The following XRN1 variants were observed in gnomAD, a reference collection of about 807,000 sequenced individuals.
XRN1 encodes the protein strand-exchange protein 1 homolog.
XRN1 carries 67 observed loss-of-function variants against 222.3 expected under a neutral mutation model. The ratio of observed to expected loss-of-function variants is 0.30; its 90% CI spans 0.25 to 0.37. The LOEUF is 0.37. Among genes scored for constraint, XRN1 ranks in the 10% least tolerant of loss-of-function variants. The pLI, the probability that XRN1 is intolerant of heterozygous loss-of-function variation, is 1.00. For missense variants in XRN1, 1,707 were observed against 2,000.2 expected, an observed-to-expected ratio of 0.85 and a Z score of 2.80; for synonymous variants, 643 against 652.4, an observed-to-expected ratio of 0.99 and a Z score of 0.22.
At chr3:142,341,252 A>T (rs756478256) in intron 33 of XRN1, among the ~76,000 whole-genome samples, 3 of 152,152 alleles carry the variant, frequency 2.0e-5, no homozygotes, top group Non-Finnish European at 4.4e-5. Flanking sequence ...TTATAAGAGA[A>T]TTTGCAAGAC....
At position 142,423,584 on chromosome 3, in the gene XRN1, C is replaced by A. The variant is rs752437561; in HGVS notation, c.686G>T (p.Arg229Leu). ...CCGTTGTGTTTTTTTGCCACCAAAT[C>A]GAACTTCTTCTCTTAAGAGAGAAAA... ...AHFSLLREEV[R>L]FGGKKTQRVC... Residue 229 changes from arginine (R) to leucine (L), a missense_variant, in exon 6 of 41, where the codon CGA becomes CTA. This residue lies in a region of XRN1 where 1,234 missense variants were observed against 1,518.2 expected (regional missense o/e 0.81). Transcript: ENST00000392981. 7 of 1,600,834 alleles carry A rather than the reference C, an allele frequency of 4.4e-6. No individual in the cohort carries two copies. The South Asian group carries it at 4.5e-5, about 10-fold the overall frequency.
chr3:142,433,361 T>A (rs2108170489), intron 1 of XRN1, among the ~76,000 whole-genome samples: 1 of 152,330 alleles, frequency 6.6e-6, no homozygotes. Context: ...TTAGTTTCAC[T>A]GAAGCAGTCA....
At chr3:142,442,252 G>T (rs999933539) in intron 1 of XRN1, among the ~76,000 whole-genome samples, 3 of 152,174 alleles carry the variant, frequency 2.0e-5, no homozygotes, top group Non-Finnish European at 4.4e-5. Context: ...AATTATTATT[G>T]GCTGTACAGA....
At chr3:142,375,996 A>G (rs757681943) in intron 24 of XRN1, 52 bp from the exon 25 acceptor site, 1 of 1,517,226 alleles carries the variant, frequency 6.6e-7, no homozygotes, top group Admixed American at 2.3e-5. Flanking sequence ...ACACACACAC[A>G]CACACGAGTT....
chr3:142,327,888 C>T (rs1315577420), intron 37 of XRN1, among the ~76,000 whole-genome samples: 1 of 152,100 alleles, frequency 6.6e-6, no homozygotes, highest in African/African-American at 2.4e-5. Context: ...TCCCTATGTA[C>T]ACATTATTTA....
intron 34 of XRN1, among the ~76,000 whole-genome samples, chr3:142,333,788 G>T (rs1249043708): frequency 6.6e-6 from 1 of 152,122 alleles, no homozygotes; most frequent in East Asian, 1.9e-4. Context: ...TAGAATATGA[G>T]AAGACGCATC....
chr3:142,442,474 G>A (rs925659754), intron 1 of XRN1, among the ~76,000 whole-genome samples: 1 of 152,184 alleles, frequency 6.6e-6, no homozygotes, highest in Admixed American at 6.5e-5. Context: ...GGAAGCTCAC[G>A]AGGACATAGT....
intron 14 of XRN1, among the ~76,000 whole-genome samples, chr3:142,413,586 G>A (rs1182085981): frequency 6.6e-6 from 1 of 152,182 alleles, no homozygotes; most frequent in Non-Finnish European, 1.5e-5. Context: ...AATCACCTTA[G>A]TAGGCTTAGC....
chr3:142,388,905 C>T (rs2067608397), intron 20 of XRN1, among the ~76,000 whole-genome samples: 1 of 152,176 alleles, frequency 6.6e-6, no homozygotes, highest in Non-Finnish European at 1.5e-5. Context: ...TTTCATTGTT[C>T]ATCTATAAGA....
In XRN1 at chr3:142,345,657, A is replaced by G. The variant is rs138630214; in HGVS notation, c.3877+1577T>C. On this transcript the variant is annotated intron_variant, in intron 33 of 40. Coordinates refer to ENST00000392981, the MANE Select transcript of XRN1 (RefSeq NM_001282857.2). ...AAAATATTTGCAAATCACATATCCA[A>G]GAAGCATGTAATATCTAGCATGTAT... is the stretch of plus-strand genomic sequence containing the variant. 3.4e-3 allele frequency among the ~76,000 whole-genome samples: 515 copies of G among 152,362 alleles called. 16 individuals carry two copies. The highest frequency in any genetic ancestry group is 0.031 in the Admixed American group (471 of 15,304).
rs755217169 is a variant in XRN1 at position 142,383,391 on chromosome 3, C to T, written c.2525G>A (p.Arg842His). The change falls in exon 22 of 41, where the codon CGT becomes CAT. Residue 842 changes from arginine to histidine, a missense_variant. Coordinates refer to ENST00000392981, the MANE Select transcript of XRN1 (RefSeq NM_001282857.2). ...IVKDIRAFDS[R>H]FSNIKTLDDL... ...ATCCAATGTTTTGATATTGGAGAAACGGGAGTCGAAAGCTCGGATGTCCTA... is the reference window on the plus strand; with the variant it reads ...ATCCAATGTTTTGATATTGGAGAAATGGGAGTCGAAAGCTCGGATGTCCTA... 52 of 1,613,536 alleles carry T rather than the reference C, an allele frequency of 3.2e-5. No homozygotes were observed. The highest frequency in any genetic ancestry group is 3.3e-4 in the Middle Eastern group (2 of 6,060).
At chr3:142,365,888 A>T (rs1345091054) in intron 27 of XRN1, among the ~76,000 whole-genome samples, 10 of 152,208 alleles carry the variant, frequency 6.6e-5, no homozygotes, top group Admixed American at 6.5e-4. Flanking sequence ...ATATATTTTT[A>T]AAAAGTATCA....
chr3:142,394,638 T>C (rs1288204137), intron 20 of XRN1, among the ~76,000 whole-genome samples: 3 of 152,346 alleles, frequency 2.0e-5, no homozygotes, highest in East Asian at 1.9e-4. Flanking sequence ...TTGCTTCCCA[T>C]ACTGTTAAAA....
At chr3:142,315,304 T>G (rs1378074105) in intron 39 of XRN1, among the ~76,000 whole-genome samples, 6 of 151,894 alleles carry the variant, frequency 4.0e-5, no homozygotes, top group African/African-American at 1.5e-4. Context: ...TAAACAATGT[T>G]TTGTTTTGGT....
At chr3:142,362,589 C>T (rs1388391956) in intron 29 of XRN1, among the ~76,000 whole-genome samples, 1 of 129,894 alleles carries the variant, frequency 7.7e-6, no homozygotes, top group Non-Finnish European at 1.6e-5. Context: ...TCCCCCCTAC[C>T]CCCGCCCCCA....
At chr3:142,387,565 G>C (rs2067553147) in intron 20 of XRN1, among the ~76,000 whole-genome samples, 1 of 152,174 alleles carries the variant, frequency 6.6e-6, no homozygotes. Context: ...TGAGTCACAT[G>C]AATTTTTCTG....
At chr3:142,434,093 T>C (rs559825554) in intron 1 of XRN1, among the ~76,000 whole-genome samples, 2 of 152,342 alleles carry the variant, frequency 1.3e-5, no homozygotes, top group Non-Finnish European at 2.9e-5. Context: ...CCAAGAAATC[T>C]GAAAACCTCA....
At chr3:142,426,873 TTTTCTG>T (rs1325257796) in intron 2 of XRN1, 32 bp from the exon 3 acceptor site, 1 of 1,576,692 alleles carries the variant, frequency 6.3e-7, no homozygotes, top group Non-Finnish European at 8.7e-7. Context: ...GTACCTTAAG[TTTTCTG>T]AAAAAAAGTG....
At chr3:142,360,946 CA>C (rs970897497) in intron 29 of XRN1, among the ~76,000 whole-genome samples, 11 of 151,402 alleles carry the variant, frequency 7.3e-5, no homozygotes, top group African/African-American at 2.7e-4. Flanking sequence ...ATACACTGCA[CA>C]TATCTGAAAT....
Sources: gnomAD v4.1 joint callset for allele counts (sites outside exome capture counted in the v4.1 genomes callset) on GRCh38, gnomAD v4.1.1 for gene constraint, gnomAD v4.1.1 regional missense constraint, MANE v1.5 for transcripts, NCBI Gene and HGNC (gene_info 2026-07-23, HGNC 2026-07-21) for gene names.